Variants in VAV3 observed in about 807,000 individuals in gnomAD.
VAV3 encodes the protein guanine nucleotide exchange factor VAV3.
A neutral mutation model predicts 131.2 loss-of-function variants in VAV3; 94 were observed. The observed-to-expected ratio is 0.72, with a 90% confidence interval of 0.61 to 0.85. The LOEUF (loss-of-function observed/expected upper bound fraction) is 0.85, where lower values mean the gene tolerates loss of function less well. VAV3 is among the 40% of genes least tolerant of loss of function. VAV3 has a pLI of 0.00. For missense variants in VAV3, 939 were observed against 1,002.7 expected, an observed-to-expected ratio of 0.94 and a Z score of 0.86; for synonymous variants, 349 against 342.0, an observed-to-expected ratio of 1.02 and a Z score of -0.22.
intron 15 of VAV3, among the ~76,000 whole-genome samples, chr1:107,724,394 A>G (rs1661701866): frequency 6.6e-6 from 1 of 151,988 alleles, no homozygotes; most frequent in South Asian, 2.1e-4. Flanking sequence ...GTTGTCTTAT[A>G]CTATTATTCA....
Position 107,596,275 on chromosome 1 carries a change from G to A in VAV3, c.2287C>T (p.Gln763Ter). Residue 763 changes from glutamine to a stop codon, truncating the protein, a stop_gained, in exon 25 of 27, where the codon CAG becomes TAG. Coordinates refer to ENST00000370056, the MANE Select transcript of VAV3 (RefSeq NM_006113.5). LOFTEE classifies it high-confidence loss of function. Reference sequence around the variant, plus strand: ...TGTTCTGGCTCCTTGTATGGAAACTGCAGAGTTGTATCTAAGGTTCTGAAC... The same window carrying A: ...TGTTCTGGCTCCTTGTATGGAAACTACAGAGTTGTATCTAAGGTTCTGAAC... ...EGFRTLDTTLQFPYKEPEHSA... is the reference protein window; with the variant it reads ...EGFRTLDTTL The A allele has an allele frequency of 6.2e-7, 1 of 1,613,608 alleles. No individual in the cohort carries two copies. The highest frequency in any genetic ancestry group is 8.5e-7 in the Non-Finnish European group (1 of 1,179,600).
chr1:107,747,636 T>C (rs1212033022), intron 15 of VAV3, among the ~76,000 whole-genome samples: 1 of 152,202 alleles, frequency 6.6e-6, no homozygotes, highest in Non-Finnish European at 1.5e-5. Flanking sequence ...ATTGTACTAT[T>C]TGGCTAGCTC....
Position 107,638,113 on chromosome 1 carries a change from TAA to T in VAV3, c.1914+4504_1914+4505del, listed in dbSNP as rs138582628. ...CTACAGATAATGTCATACTTAATGG[TAA>T]GAGACTTAATGTTTTTCCTCTAAGA... On this transcript the variant is annotated intron_variant, in intron 20 of 26. Coordinates refer to ENST00000370056, the MANE Select transcript of VAV3 (RefSeq NM_006113.5). 4.8e-3 allele frequency among the ~76,000 whole-genome samples: 724 copies of T among 152,278 alleles called. 3 individuals are homozygous for T. Among genetic ancestry groups the T allele is most frequent in the Non-Finnish European group, 7.8e-3 (531 of 68,010 alleles).
At position 107,786,984 on chromosome 1, in the gene VAV3, CACACACAT is replaced by C. The variant is rs546322172; in HGVS notation, c.322-7500_322-7493del. Among the ~76,000 whole-genome samples, 368 of 152,290 alleles carry C rather than the reference CACACACAT, an allele frequency of 2.4e-3. 1 individual carries two copies. The highest frequency in any genetic ancestry group is 8.4e-3 in the African/African-American group (348 of 41,554). On this transcript the variant is annotated intron_variant, in intron 2 of 26. Coordinates refer to ENST00000370056, the MANE Select transcript of VAV3 (RefSeq NM_006113.5). ...AAAAAATTAAACCCACCTATCTACA[CACACACAT>C]ACACACATACACACACAAAAACACA...
At chr1:107,962,829 T>C (rs1236078055) in intron 1 of VAV3, among the ~76,000 whole-genome samples, 1 of 152,246 alleles carries the variant, frequency 6.6e-6, no homozygotes, top group Non-Finnish European at 1.5e-5. Context: ...TTAGCTGTCC[T>C]ACTTACCTTA....
In VAV3 at chr1:107,873,871, C is replaced by G. The variant is rs139317930; in HGVS notation, c.321+1030G>C. On this transcript the variant is annotated intron_variant, in intron 2 of 26. Transcript: ENST00000370056. Reference sequence around the variant, plus strand: ...CGGAGAGAGAACCAGGGCCTTCCCCCACCCCAGGTAGAGTGGCTTCCCCAT... The same window carrying G: ...CGGAGAGAGAACCAGGGCCTTCCCCGACCCCAGGTAGAGTGGCTTCCCCAT... Among the ~76,000 whole-genome samples the G allele has an allele frequency of 9.7e-4, 148 of 152,280 alleles. 1 individual carries two copies. The highest frequency in any genetic ancestry group is 3.2e-3 in the African/African-American group (132 of 41,566).
chr1:107,895,711 C>A (rs1671533540), intron 1 of VAV3, among the ~76,000 whole-genome samples: 2 of 152,162 alleles, frequency 1.3e-5, no homozygotes, highest in Non-Finnish European at 2.9e-5. Context: ...AAAAGACTTA[C>A]AATAAATAAT....
chr1:107,600,104 GTTCTTGGTGTAGACGTA>G lies in VAV3; in HGVS notation c.2220+2276_2220+2292del, dbSNP rs550022232. On this transcript the variant is annotated intron_variant, in intron 24 of 26. Coordinates refer to ENST00000370056, the MANE Select transcript of VAV3 (RefSeq NM_006113.5). ...GTTCCAAGGACTGCTCTATGGTGAG[GTTCTTGGTGTAGACGTA>G]TTTACTGATTCTTAAGCTTCTTTTT... 1.2e-4 allele frequency among the ~76,000 whole-genome samples: 19 copies of G among 152,064 alleles called. 1 individual carries two copies. The South Asian group carries it at 3.8e-3, about 30-fold the overall frequency.
intron 15 of VAV3, among the ~76,000 whole-genome samples, chr1:107,706,111 A>G (rs1570791026): frequency 6.6e-6 from 1 of 152,210 alleles, no homozygotes; most frequent in South Asian, 2.1e-4. Flanking sequence ...AAAGATGGAT[A>G]CAAATCAGGG....
chr1:107,729,491 C>A (rs1405501902), intron 15 of VAV3, among the ~76,000 whole-genome samples: 1 of 152,056 alleles, frequency 6.6e-6, no homozygotes, highest in Non-Finnish European at 1.5e-5. Flanking sequence ...TATTCCTTAC[C>A]AGCAATTTGG....
chr1:107,774,736 T>G (rs542790914), intron 4 of VAV3, among the ~76,000 whole-genome samples: 1 of 152,294 alleles, frequency 6.6e-6, no homozygotes, highest in Non-Finnish European at 1.5e-5. Flanking sequence ...AAACAATGAT[T>G]GCCTCCACAG....
intron 3 of VAV3, among the ~76,000 whole-genome samples, chr1:107,778,499 G>A (rs920071358): frequency 6.6e-5 from 10 of 152,066 alleles, no homozygotes; most frequent in African/African-American, 1.7e-4. Flanking sequence ...TTATCCAGCC[G>A]ACAGACCATA....
chr1:107,778,731 A>G (rs1343571112), intron 3 of VAV3, among the ~76,000 whole-genome samples: 1 of 152,178 alleles, frequency 6.6e-6, no homozygotes, highest in Non-Finnish European at 1.5e-5. Flanking sequence ...AAGGTAAAAA[A>G]CAAATTTGAT....
chr1:107,859,285 G>T (rs1264764169), intron 2 of VAV3, among the ~76,000 whole-genome samples: 2 of 151,904 alleles, frequency 1.3e-5, no homozygotes, highest in Non-Finnish European at 2.9e-5. Context: ...TACCCAGGCT[G>T]GTCTTGAACT....
At chr1:107,662,672 GA>G (rs1315144955) in intron 19 of VAV3, among the ~76,000 whole-genome samples, 1 of 152,168 alleles carries the variant, frequency 6.6e-6, no homozygotes, top group Non-Finnish European at 1.5e-5. Flanking sequence ...GTTTTAGCAA[GA>G]ACATTTACTA....
chr1:107,732,636 G>T (rs750300635), intron 15 of VAV3, among the ~76,000 whole-genome samples: 3 of 152,206 alleles, frequency 2.0e-5, no homozygotes, highest in Non-Finnish European at 4.4e-5. Flanking sequence ...AGATTGAGCT[G>T]CAAGGCGGCA....
At chr1:107,574,021 C>T in intron 26 of VAV3, 26 bp downstream of exon 26, 1 of 1,611,078 alleles carries the variant, frequency 6.2e-7, no homozygotes, top group Non-Finnish European at 8.5e-7. Context: ...TTCACATGCA[C>T]CAGCACATCG....
chr1:107,944,638 T>C (rs1231871575), intron 1 of VAV3, among the ~76,000 whole-genome samples: 1 of 152,200 alleles, frequency 6.6e-6, no homozygotes, highest in East Asian at 1.9e-4. Context: ...AGAGTCTCAC[T>C]CTGTCACCCA....
intron 1 of VAV3, among the ~76,000 whole-genome samples, chr1:107,960,096 T>C (rs1338582384): frequency 6.6e-6 from 1 of 152,220 alleles, no homozygotes; most frequent in Non-Finnish European, 1.5e-5. Flanking sequence ...CTTGCCTGAA[T>C]GATGTATTAG....
Sources: gnomAD v4.1 joint callset for allele counts (sites outside exome capture counted in the v4.1 genomes callset) on GRCh38, gnomAD v4.1.1 for gene constraint, MANE v1.5 for transcripts, NCBI Gene and HGNC (gene_info 2026-07-23, HGNC 2026-07-21) for gene names.